LDLRAD3: variants seen among roughly 807,000 people sequenced by gnomAD.
The protein encoded by LDLRAD3 is low density lipoprotein receptor class A domain containing 3, also known as low-density lipoprotein receptor class A domain-containing protein 3.
Under a neutral mutation model 29.4 loss-of-function variants are expected in LDLRAD3, and 20 were observed. The ratio of observed to expected loss-of-function variants is 0.68; its 90% CI spans 0.48 to 0.99. LDLRAD3 has a LOEUF of 0.99. Among genes scored for constraint, LDLRAD3 ranks in the 50% least tolerant of loss-of-function variants. The pLI, the probability that LDLRAD3 is intolerant of heterozygous loss-of-function variation, is 0.00. For synonymous variants in LDLRAD3, 157 were observed against 192.7 expected (o/e 0.81, Z 1.53); for missense variants, 420 against 454.3 (o/e 0.92, Z 0.69).
chr11:36,178,285 T>C (rs1854707889), intron 4 of LDLRAD3, among the ~76,000 whole-genome samples: 1 of 152,202 alleles, frequency 6.6e-6, no homozygotes, highest in Non-Finnish European at 1.5e-5. Context: ...GAGAGTTTCT[T>C]CAACCTCCTC....
At chr11:36,130,681 A>G (rs973357196) in intron 4 of LDLRAD3, among the ~76,000 whole-genome samples, 1 of 152,204 alleles carries the variant, frequency 6.6e-6, no homozygotes, top group East Asian at 1.9e-4. Flanking sequence ...AGGCTTCATC[A>G]AGGCACTATG....
intron 2 of LDLRAD3, among the ~76,000 whole-genome samples, chr11:36,040,754 C>T (rs902988398): frequency 5.9e-5 from 9 of 152,206 alleles, no homozygotes; most frequent in South Asian, 2.1e-4. Flanking sequence ...CACCGACTGC[C>T]GACTTGTTTT....
intron 1 of LDLRAD3, among the ~76,000 whole-genome samples, chr11:35,995,372 T>C (rs914296797): frequency 6.6e-6 from 1 of 152,212 alleles, no homozygotes; most frequent in Admixed American, 6.5e-5. Flanking sequence ...TCCTGAGCAG[T>C]AGGTCTCAAC....
chr11:36,026,287 C>A (rs535661817), intron 1 of LDLRAD3, among the ~76,000 whole-genome samples: 61 of 152,044 alleles, frequency 4.0e-4, no homozygotes, highest in African/African-American at 1.4e-3. Flanking sequence ...GTGAATGTAC[C>A]CTGTTTTCTC....
At chr11:36,144,721 G>C (rs1204167761) in intron 4 of LDLRAD3, among the ~76,000 whole-genome samples, 1 of 133,554 alleles carries the variant, frequency 7.5e-6, no homozygotes, top group African/African-American at 2.9e-5. Context: ...AGTGAGGAGC[G>C]TCTCCGCCCG....
chr11:36,199,651 A>C (rs766822468), intron 4 of LDLRAD3, among the ~76,000 whole-genome samples: 61 of 152,194 alleles, frequency 4.0e-4, no homozygotes, highest in Admixed American at 3.9e-3. Flanking sequence ...GCCGCTGCTT[A>C]GCATGTCACA....
At chr11:35,978,655 A>G (rs1268501529) in intron 1 of LDLRAD3, among the ~76,000 whole-genome samples, 3 of 152,232 alleles carry the variant, frequency 2.0e-5, no homozygotes, top group African/African-American at 7.2e-5. Context: ...TCTCCTAAGC[A>G]GGAGGCATTG....
intron 1 of LDLRAD3, among the ~76,000 whole-genome samples, chr11:36,012,679 C>T (rs572753562): frequency 7.2e-5 from 11 of 152,240 alleles, no homozygotes; most frequent in African/African-American, 2.2e-4. Flanking sequence ...CAGGACGACA[C>T]GAGATTTCAT....
intron 1 of LDLRAD3, among the ~76,000 whole-genome samples, chr11:35,949,489 TC>T (rs1269324933): frequency 1.3e-5 from 2 of 152,126 alleles, no homozygotes; most frequent in Non-Finnish European, 2.9e-5. Flanking sequence ...CCCCTTTCCC[TC>T]CCCATAATTC....
At chr11:35,997,440 C>A in intron 1 of LDLRAD3, 1 of 394,396 alleles carries the variant, frequency 2.5e-6, no homozygotes, top group South Asian at 2.1e-5. Context: ...TTGCAGAAAC[C>A]CTTCTGGCAG....
chr11:35,977,669 A>G (rs1397794711), intron 1 of LDLRAD3, among the ~76,000 whole-genome samples: 1 of 152,130 alleles, frequency 6.6e-6, no homozygotes, highest in African/African-American at 2.4e-5. Context: ...AGACTGGGTA[A>G]TTTATAGACA....
At chr11:36,093,268 C>CA (rs1853310919) in intron 3 of LDLRAD3, among the ~76,000 whole-genome samples, 1 of 152,042 alleles carries the variant, frequency 6.6e-6, no homozygotes, top group Non-Finnish European at 1.5e-5. Flanking sequence ...CATCCAGTTT[C>CA]AAAAATGTAT....
chr11:35,984,435 T>C (rs1851582592), intron 1 of LDLRAD3, among the ~76,000 whole-genome samples: 1 of 152,212 alleles, frequency 6.6e-6, no homozygotes, highest in African/African-American at 2.4e-5. Context: ...TCCCACAGTC[T>C]AAGCCACTTT....
intron 4 of LDLRAD3, among the ~76,000 whole-genome samples, chr11:36,103,499 A>G (rs1180168638): frequency 2.0e-5 from 3 of 152,058 alleles, no homozygotes; most frequent in Admixed American, 6.5e-5. Flanking sequence ...TCGGCCTCCC[A>G]AAGTGCTGGG....
chr11:36,018,554 A>C (rs530862819), intron 1 of LDLRAD3, among the ~76,000 whole-genome samples: 1 of 152,248 alleles, frequency 6.6e-6, no homozygotes, highest in African/African-American at 2.4e-5. Context: ...AATAAAAAAA[A>C]CCCAGCCTTT....
chr11:36,054,755 TTGGATGGA>T (rs1257356180), intron 2 of LDLRAD3, among the ~76,000 whole-genome samples: 1 of 106,418 alleles, frequency 9.4e-6, no homozygotes, highest in African/African-American at 3.8e-5. Context: ...GCATGGATGC[TTGGATGGA>T]TGGATGGATA....
intron 4 of LDLRAD3, among the ~76,000 whole-genome samples, chr11:36,121,316 T>C (rs181358835): frequency 4.0e-4 from 61 of 152,000 alleles, no homozygotes; most frequent in Non-Finnish European, 6.5e-4. Context: ...GGAGAGGAAT[T>C]GTTTCACATG....
chr11:36,194,010 A>G (rs1854994691), intron 4 of LDLRAD3, among the ~76,000 whole-genome samples: 1 of 152,240 alleles, frequency 6.6e-6, no homozygotes, highest in Non-Finnish European at 1.5e-5. Context: ...GTGAGATAAC[A>G]CATGAGATTA....
chr11:36,144,074 G>A (rs1165964410), intron 4 of LDLRAD3, among the ~76,000 whole-genome samples: 33 of 152,096 alleles, frequency 2.2e-4, no homozygotes, highest in African/African-American at 3.9e-4. Context: ...GATTGCAGGC[G>A]CGCGCCACCA....
Sources: allele counts gnomAD v4.1 joint callset (sites outside exome capture counted in the v4.1 genomes callset), GRCh38; gene constraint gnomAD v4.1.1; transcripts MANE v1.5; gene names NCBI Gene and HGNC (gene_info 2026-07-23, HGNC 2026-07-21).